Variants in SNTB2 observed in about 807,000 individuals in gnomAD.
The protein encoded by SNTB2 is beta-2-syntrophin.
A neutral mutation model predicts 46.2 loss-of-function variants in SNTB2; 34 were observed. The ratio of observed to expected loss-of-function variants is 0.74; its 90% CI spans 0.56 to 0.98. The LOEUF (loss-of-function observed/expected upper bound fraction) is 0.98, where lower values mean the gene tolerates loss of function less well. SNTB2 is among the 50% of genes least tolerant of loss of function. The pLI, the probability that SNTB2 is intolerant of heterozygous loss-of-function variation, is 0.00. For missense variants in SNTB2, 603 were observed against 731.4 expected (o/e 0.82, Z 2.02); for synonymous variants, 290 against 312.6 (o/e 0.93, Z 0.76).
intron 1 of SNTB2, among the ~76,000 whole-genome samples, chr16:69,209,321 A>C (rs947345336): frequency 6.6e-6 from 1 of 152,134 alleles, no homozygotes; most frequent in Admixed American, 6.6e-5. Context: ...GAAGATTTTG[A>C]AATTAGCCTG....
At chr16:69,294,126 T>G (rs11646210) in intron 5 of SNTB2, among the ~76,000 whole-genome samples, 22,146 of 152,110 alleles carry the variant, frequency 0.15, 1,798 homozygotes, top group Middle Eastern at 0.23. Flanking sequence ...GAAGCAATCC[T>G]CCCACCACAG....
chr16:69,254,071 G>A (rs780253268), intron 2 of SNTB2, among the ~76,000 whole-genome samples: 15 of 152,092 alleles, frequency 9.9e-5, no homozygotes, highest in Non-Finnish European at 2.1e-4. Flanking sequence ...CAGTGCCAAA[G>A]CAACTAGATG....
chr16:69,261,694 T>C (rs1173406407), intron 3 of SNTB2, among the ~76,000 whole-genome samples: 1 of 152,194 alleles, frequency 6.6e-6, no homozygotes, highest in Non-Finnish European at 1.5e-5. Flanking sequence ...AAAACTGAAT[T>C]GAATAGTAAT....
intron 2 of SNTB2, among the ~76,000 whole-genome samples, chr16:69,247,964 TA>T (rs1169420442): frequency 6.6e-6 from 1 of 151,504 alleles, no homozygotes; most frequent in East Asian, 1.9e-4. Flanking sequence ...CAGGATTTTT[TA>T]AAAAAAAATT....
intron 5 of SNTB2, among the ~76,000 whole-genome samples, chr16:69,296,096 A>G (rs1001254968): frequency 9.2e-5 from 14 of 151,802 alleles, no homozygotes; most frequent in Non-Finnish European, 1.9e-4. Flanking sequence ...CCTGACCAAC[A>G]TGGAGAAACC....
chr16:69,294,163 G>A (rs1366937377), intron 5 of SNTB2, among the ~76,000 whole-genome samples: 3 of 152,054 alleles, frequency 2.0e-5, no homozygotes, highest in Admixed American at 1.3e-4. Flanking sequence ...GACTACAGGT[G>A]CATGCAACTA....
chr16:69,216,608 A>G (rs1279619573), intron 1 of SNTB2, among the ~76,000 whole-genome samples: 1 of 151,674 alleles, frequency 6.6e-6, no homozygotes, highest in Non-Finnish European at 1.5e-5. Flanking sequence ...TCGCTTATAC[A>G]TGGGAAGTCA....
intron 5 of SNTB2, among the ~76,000 whole-genome samples, chr16:69,292,370 ATATATATATTATATATATATTATATAT>A (rs1965170664): frequency 1.2e-4 from 4 of 33,092 alleles, no homozygotes; most frequent in South Asian, 1.0e-3. Context: ...ATATATATAT[ATATATATATTATATATATATTATATAT>A]ATATATATAT....
rs1441901663 is a variant in SNTB2 at position 69,283,113 on chromosome 16, TTTG to T, written c.1149-929_1149-927del. On this transcript the variant is annotated intron_variant, in intron 4 of 6. Transcript: ENST00000336278. ...TGCACACCACCATGCTGAGATTTTT[TTTG>T]TTGTTTTTTGTTTTCTTTTGTTTTT... Among the ~76,000 whole-genome samples the T allele has an allele frequency of 2.0e-5, 3 of 152,078 alleles. No individual in the cohort carries two copies. In the East Asian group the frequency reaches 5.8e-4, roughly 29 times the overall value.
intron 2 of SNTB2, among the ~76,000 whole-genome samples, chr16:69,249,166 C>G (rs1470293011): frequency 6.6e-6 from 1 of 151,838 alleles, no homozygotes; most frequent in East Asian, 1.9e-4. Flanking sequence ...GCTGGGACTG[C>G]AGGTGCATGC....
chr16:69,285,145 A>G (rs1392416581), intron 5 of SNTB2, among the ~76,000 whole-genome samples: 1 of 152,188 alleles, frequency 6.6e-6, no homozygotes, highest in Non-Finnish European at 1.5e-5. Flanking sequence ...TCATTAGGTG[A>G]TGCATGACTG....
At chr16:69,238,589 T>C (rs1964580126) in intron 1 of SNTB2, among the ~76,000 whole-genome samples, 2 of 152,330 alleles carry the variant, frequency 1.3e-5, no homozygotes, top group South Asian at 2.1e-4. Context: ...TGCAGACTTA[T>C]ATATCTAGCT....
chr16:69,221,156 T>G (rs1964399972), intron 1 of SNTB2, among the ~76,000 whole-genome samples: 1 of 152,188 alleles, frequency 6.6e-6, no homozygotes, highest in Non-Finnish European at 1.5e-5. Context: ...ATACAAAGGT[T>G]TAAAACATTC....
At chr16:69,278,889 A>AGAGTGT (rs1003316492) in intron 4 of SNTB2, among the ~76,000 whole-genome samples, 3 of 140,912 alleles carry the variant, frequency 2.1e-5, no homozygotes, top group African/African-American at 5.3e-5. Flanking sequence ...AGGTGGGAAG[A>AGAGTGT]GTGTGTGTGT....
chr16:69,292,161 C>T (rs1235137158), intron 5 of SNTB2, among the ~76,000 whole-genome samples: 5 of 142,932 alleles, frequency 3.5e-5, no homozygotes, highest in Admixed American at 7.1e-5. Flanking sequence ...GGCGAGAACC[C>T]GGGAGGCAGA....
intron 1 of SNTB2, among the ~76,000 whole-genome samples, chr16:69,192,466 A>C (rs1459946887): frequency 6.6e-6 from 1 of 152,230 alleles, no homozygotes; most frequent in Non-Finnish European, 1.5e-5. Flanking sequence ...GTTGTAAAGC[A>C]CTTAAGCCAT....
intron 1 of SNTB2, chr16:69,235,881 T>G (rs1457175366): frequency 7.8e-7 from 1 of 1,285,792 alleles, no homozygotes; most frequent in African/African-American, 1.5e-5. Context: ...TTCTTGGAGT[T>G]GTGTGGATGC....
intron 1 of SNTB2, among the ~76,000 whole-genome samples, chr16:69,188,825 A>G (rs887877010): frequency 1.3e-5 from 2 of 152,224 alleles, no homozygotes; most frequent in Admixed American, 6.5e-5. Context: ...TTACGTCGTG[A>G]AACTATACTT....
intron 1 of SNTB2, among the ~76,000 whole-genome samples, chr16:69,192,123 G>A (rs904445862): frequency 2.0e-5 from 3 of 152,232 alleles, no homozygotes; most frequent in African/African-American, 7.2e-5. Flanking sequence ...GGAAGCACTG[G>A]ATGCAGTGCA....
Sources: gnomAD v4.1 joint callset for allele counts (sites outside exome capture counted in the v4.1 genomes callset) on GRCh38, gnomAD v4.1.1 for gene constraint, MANE v1.5 for transcripts, NCBI Gene and HGNC (gene_info 2026-07-23, HGNC 2026-07-21) for gene names.